The following GYS2 variants were observed in gnomAD, a reference collection of about 807,000 sequenced individuals.
GYS2 encodes glycogen [starch] synthase, liver.
In GYS2, 80 loss-of-function variants were observed where a neutral mutation model predicts 85.6. The ratio of observed to expected loss-of-function variants is 0.93; its 90% CI spans 0.78 to 1.13. GYS2 has a LOEUF of 1.13. Among genes scored for constraint, GYS2 ranks in the 50% most tolerant of loss-of-function variants. The pLI is 0.00. For missense variants in GYS2, 881 were observed against 854.9 expected, an observed-to-expected ratio of 1.03 and a Z score of -0.38; for synonymous variants, 328 against 300.7, an observed-to-expected ratio of 1.09 and a Z score of -0.94.
At chr12:21,574,685 A>T (rs1180437550) in intron 3 of GYS2, among the ~76,000 whole-genome samples, 1 of 152,148 alleles carries the variant, frequency 6.6e-6, no homozygotes, top group Non-Finnish European at 1.5e-5. Context: ...TAAAGATATC[A>T]CTGAACAGCT....
intron 1 of GYS2, among the ~76,000 whole-genome samples, chr12:21,600,530 C>T (rs1210170446): frequency 7.2e-5 from 11 of 152,058 alleles, no homozygotes; most frequent in African/African-American, 2.7e-4. Context: ...GGATGGGATC[C>T]TTTTCATTTT....
chr12:21,553,192 G>A (rs1395645514), intron 11 of GYS2, among the ~76,000 whole-genome samples: 3 of 152,228 alleles, frequency 2.0e-5, no homozygotes, highest in African/African-American at 7.2e-5. Context: ...TGGGATTACA[G>A]ACAGGAGCCA....
rs1479342425 is a variant in GYS2 at position 21,580,352 on chromosome 12, T to C, written c.293A>G (p.His98Arg). The change falls in exon 2 of 16, where the codon CAT becomes CGT. Residue 98 changes from histidine to arginine, a missense_variant. His to Arg is a conservative substitution (Grantham distance 29). Coordinates refer to ENST00000261195, the MANE Select transcript of GYS2 (RefSeq NM_021957.4). Reference protein sequence around the residue: ...VRRAVDAMNKHGCQVHFGRWL... With the variant: ...VRRAVDAMNKRGCQVHFGRWL... Reference sequence around the variant, plus strand: ...TGTCAGTTCCTTTACCTGGCAGCCATGCTTATTCATTGCGTCCACTGCTCT... The same window carrying C: ...TGTCAGTTCCTTTACCTGGCAGCCACGCTTATTCATTGCGTCCACTGCTCT... 1.9e-6 allele frequency: 3 copies of C among 1,613,500 alleles called. No individual in the cohort carries two copies. The highest frequency in any genetic ancestry group is 2.7e-5 in the African/African-American group (2 of 74,918).
chr12:21,590,954 A>G (rs1005298195), intron 1 of GYS2, among the ~76,000 whole-genome samples: 24 of 152,218 alleles, frequency 1.6e-4, no homozygotes, highest in African/African-American at 5.8e-4. Flanking sequence ...GCCCTACTCA[A>G]TCAACACCAA....
chr12:21,545,437 G>A (rs1045988861), intron 12 of GYS2, among the ~76,000 whole-genome samples: 13 of 152,146 alleles, frequency 8.5e-5, no homozygotes, highest in South Asian at 2.1e-4. Context: ...GTGAGACTCC[G>A]TCTCAAAGAA....
In GYS2 at chr12:21,580,534, GA is replaced by G; in HGVS notation, c.122-12del. The G allele has an allele frequency of 6.2e-7, 1 of 1,606,662 alleles. No homozygotes were observed. The highest frequency in any genetic ancestry group is 8.5e-7 in the Non-Finnish European group (1 of 1,174,576). On this transcript the variant is annotated splice_polypyrimidine_tract_variant and intron_variant, in intron 1 of 15. Transcript: ENST00000261195. The stretch of plus-strand genomic sequence containing the variant: ...TATAGATGCCTCCAACTGTTAAAAG[GA>G]AAAAAGTTTCTATTATCATTCAGGT...
intron 2 of GYS2, among the ~76,000 whole-genome samples, chr12:21,578,987 T>A (rs1944477398): frequency 1.3e-5 from 2 of 152,308 alleles, no homozygotes; most frequent in Non-Finnish European, 2.9e-5. Context: ...AACTTCTGTG[T>A]CTTTTTTCTT....
At chr12:21,553,257 T>A (rs532724229) in intron 11 of GYS2, among the ~76,000 whole-genome samples, 23 of 152,332 alleles carry the variant, frequency 1.5e-4, no homozygotes, top group Admixed American at 1.2e-3. Flanking sequence ...TGTGGGGTTA[T>A]TTTATGACCA....
intron 11 of GYS2, among the ~76,000 whole-genome samples, chr12:21,546,984 G>C (rs894567709): frequency 6.6e-6 from 1 of 152,096 alleles, no homozygotes; most frequent in African/African-American, 2.4e-5. Flanking sequence ...AGGACTTCGT[G>C]CAAACCTCCC....
At chr12:21,556,363 G>T (rs1406998767) in intron 11 of GYS2, among the ~76,000 whole-genome samples, 2 of 152,096 alleles carry the variant, frequency 1.3e-5, no homozygotes, top group African/African-American at 4.8e-5. Flanking sequence ...TAGAGACAGG[G>T]TTTCACCATG....
chr12:21,555,703 T>C (rs1232665978), intron 11 of GYS2, among the ~76,000 whole-genome samples: 1 of 152,166 alleles, frequency 6.6e-6, no homozygotes, highest in East Asian at 1.9e-4. Flanking sequence ...TAATTCCTGT[T>C]TTACATTCCT....
At chr12:21,542,448 G>A (rs765575034) in intron 13 of GYS2, 48 bp downstream of exon 13, 2 of 1,130,668 alleles carry the variant, frequency 1.8e-6, no homozygotes, top group Middle Eastern at 1.9e-4. Flanking sequence ...GCTTTGTTTG[G>A]TTAGAGGTCA....
chr12:21,584,023 C>T (rs1944542987), intron 1 of GYS2, among the ~76,000 whole-genome samples: 1 of 152,182 alleles, frequency 6.6e-6, no homozygotes, highest in Admixed American at 6.5e-5. Context: ...AAGACTAGGT[C>T]CTGGTTCACA....
In GYS2 at chr12:21,562,938, T is replaced by A; in HGVS notation, c.1042A>T (p.Arg348Trp). 2.5e-6 allele frequency: 4 copies of A among 1,611,222 alleles called. No individual in the cohort carries two copies. Among genetic ancestry groups the A allele is most frequent in the Non-Finnish European group, 3.4e-6 (4 of 1,177,468 alleles). ...CTTACCCTCAGCAGGAAATTTAGCC[T>A]GGATAAGGATTCTAGGAAGATGTCA... ...GADIFLESLSRLNFLLRMHKS... is the reference protein window; with the variant it reads ...GADIFLESLSWLNFLLRMHKS... The change falls in exon 7 of 16, where the codon AGG (arginine) becomes TGG (tryptophan). Residue 348 changes from arginine (R) to tryptophan (W), a missense_variant. Arg to Trp is a moderately radical substitution (Grantham distance 101, BLOSUM62 -3). Coordinates refer to ENST00000261195, the MANE Select transcript of GYS2 (RefSeq NM_021957.4).
chr12:21,575,127 T>C (rs1444297345), intron 3 of GYS2, among the ~76,000 whole-genome samples: 1 of 152,202 alleles, frequency 6.6e-6, no homozygotes, highest in African/African-American at 2.4e-5. Context: ...ATTTGGGTTT[T>C]CTTTTTCTTG....
Position 21,559,077 on chromosome 12 carries a change from T to C in GYS2, c.1308+14A>G, listed in dbSNP as rs767265262. 3 of 1,508,866 alleles carry C rather than the reference T, an allele frequency of 2.0e-6. No homozygotes were observed. The highest frequency in any genetic ancestry group is 3.3e-5 in the Admixed American group (2 of 59,706). 93.5% of individuals were successfully genotyped at this position (1,508,866 alleles called of 1,614,324 possible). On this transcript the variant is annotated intron_variant, in intron 10 of 15. Transcript: ENST00000261195. ...ATAACTATGGGACATAGTGGGTGCT[T>C]TTTTCCTTATTACCTGAGTTGAAAA... is the stretch of plus-strand genomic sequence containing the variant.
chr12:21,597,471 G>A (rs1022252089), intron 1 of GYS2, among the ~76,000 whole-genome samples: 21 of 152,046 alleles, frequency 1.4e-4, no homozygotes, highest in Non-Finnish European at 4.4e-5. Context: ...TCAGAGAAAT[G>A]CAAATCAAAA....
chr12:21,566,952 T>C (rs1173456608), intron 5 of GYS2, among the ~76,000 whole-genome samples: 1 of 152,050 alleles, frequency 6.6e-6, no homozygotes, highest in Non-Finnish European at 1.5e-5. Flanking sequence ...ATGTCCACTT[T>C]GAAAAGTAAA....
At position 21,579,853 on chromosome 12, in the gene GYS2, A is replaced by G. The variant is rs545712816; in HGVS notation, c.303+489T>C. Among the ~76,000 whole-genome samples, 5 of 152,242 alleles carry G rather than the reference A, an allele frequency of 3.3e-5. No individual in the cohort carries two copies. In the South Asian group the frequency reaches 1.0e-3, roughly 32 times the overall value. ...TTCTCAAAATCTTTAACTTAATCAC[A>G]TCTGCCATATTCCATTTGCTATAAA... On this transcript the variant is annotated intron_variant, in intron 2 of 15. Coordinates refer to ENST00000261195, the MANE Select transcript of GYS2 (RefSeq NM_021957.4).
Sources: gnomAD v4.1 joint callset for allele counts (sites outside exome capture counted in the v4.1 genomes callset) on GRCh38, gnomAD v4.1.1 for gene constraint, MANE v1.5 for transcripts, NCBI Gene and HGNC (gene_info 2026-07-23, HGNC 2026-07-21) for gene names.